The following ELK3 variants were observed in gnomAD, a reference collection of about 807,000 sequenced individuals.
ELK3 encodes ETS domain-containing protein Elk-3.
A neutral mutation model predicts 28.9 loss-of-function variants in ELK3; 10 were observed. The ratio of observed to expected loss-of-function variants is 0.35; its 90% CI spans 0.21 to 0.59. ELK3 has a LOEUF of 0.59. Among genes scored for constraint, ELK3 ranks in the 20% least tolerant of loss-of-function variants. The pLI, the probability that ELK3 is intolerant of heterozygous loss-of-function variation, is 0.82. For missense variants in ELK3, 463 were observed against 517.3 expected (o/e 0.90, Z 1.02); for synonymous variants, 272 against 243.5 (o/e 1.12, Z -1.09).
At chr12:96,207,183 T>C (rs1337063052) in intron 1 of ELK3, among the ~76,000 whole-genome samples, 1 of 152,258 alleles carries the variant, frequency 6.6e-6, no homozygotes, top group Non-Finnish European at 1.5e-5. Flanking sequence ...CTTGTACTTT[T>C]ACCTTAACAC....
At chr12:96,205,857 G>A (rs1054173886) in intron 1 of ELK3, among the ~76,000 whole-genome samples, 4 of 152,170 alleles carry the variant, frequency 2.6e-5, no homozygotes, top group African/African-American at 7.2e-5. Context: ...GCCACTTGGC[G>A]TTTCTGTCCT....
chr12:96,218,985 A>T (rs566139485), intron 1 of ELK3, among the ~76,000 whole-genome samples: 5 of 152,140 alleles, frequency 3.3e-5, no homozygotes, highest in African/African-American at 9.7e-5. Flanking sequence ...GGGAATTTTA[A>T]AAAAAAGATT....
At chr12:96,204,325 G>A (rs1951526527) in intron 1 of ELK3, among the ~76,000 whole-genome samples, 1 of 152,152 alleles carries the variant, frequency 6.6e-6, no homozygotes, top group Non-Finnish European at 1.5e-5. Context: ...TAGAAAACCT[G>A]TGTGTGTAGC....
At chr12:96,246,395 T>C (rs190309181) in intron 2 of ELK3, among the ~76,000 whole-genome samples, 6 of 152,352 alleles carry the variant, frequency 3.9e-5, no homozygotes, top group African/African-American at 1.4e-4. Flanking sequence ...TACTATGTTA[T>C]TACATAGAAT....
At chr12:96,208,474 C>G (rs972061204) in intron 1 of ELK3, among the ~76,000 whole-genome samples, 1 of 152,238 alleles carries the variant, frequency 6.6e-6, no homozygotes, top group Non-Finnish European at 1.5e-5. Flanking sequence ...GCAATGGCGT[C>G]TCTCCTTCTC....
rs538978853 is a variant in ELK3 at position 96,255,736 on chromosome 12, C to T, written c.1003-3995C>T. On this transcript the variant is annotated intron_variant, in intron 3 of 4. Transcript: ENST00000228741. The stretch of plus-strand genomic sequence containing the variant: ...TTATATATTTTAGGGAGGCATGAGA[C>T]GTCATGAAATTGCCAGGCAACTTCA... Among the ~76,000 whole-genome samples, 24 of 152,166 alleles carry T rather than the reference C, an allele frequency of 1.6e-4. No individual in the cohort carries two copies. The East Asian group carries it at 3.3e-3, about 21-fold the overall frequency.
In ELK3 at chr12:96,267,403, T is replaced by C; in HGVS notation, c.*223T>C. On this transcript the variant is annotated 3_prime_UTR_variant, in exon 5 of 5. Coordinates refer to ENST00000228741, the MANE Select transcript of ELK3 (RefSeq NM_005230.4). ...TTTGGCATTAAGTGAATTTTAATGT[T>C]TTTGTTTTTATATCCTTTTAGCTCT... is the stretch of plus-strand genomic sequence containing the variant. The C allele has an allele frequency of 2.3e-6, 1 of 429,296 alleles. No homozygotes were observed. The highest frequency in any genetic ancestry group is 2.9e-5 in the South Asian group (1 of 34,902). 26.6% of individuals were successfully genotyped at this position (429,296 alleles called of 1,614,324 possible). A position where few individuals can be genotyped will look rare whatever the true frequency, so the allele number is the denominator to read the frequency against.
At chr12:96,246,706 G>A (rs937005433) in intron 2 of ELK3, among the ~76,000 whole-genome samples, 1 of 152,064 alleles carries the variant, frequency 6.6e-6, no homozygotes, top group African/African-American at 2.4e-5. Context: ...TACAGACGAG[G>A]AAACTCAAAG....
At chr12:96,210,813 T>C (rs1184291049) in intron 1 of ELK3, among the ~76,000 whole-genome samples, 1 of 152,214 alleles carries the variant, frequency 6.6e-6, no homozygotes, top group African/African-American at 2.4e-5. Context: ...CTGGAGCAGC[T>C]GGAGACACAG....
intron 1 of ELK3, among the ~76,000 whole-genome samples, chr12:96,204,343 T>G (rs376948084): frequency 6.6e-6 from 1 of 152,328 alleles, no homozygotes; most frequent in East Asian, 1.9e-4. Flanking sequence ...AGCTTCCATC[T>G]ATACCTTTTT....
intron 3 of ELK3, among the ~76,000 whole-genome samples, chr12:96,250,358 A>G (rs866970669): frequency 9.9e-5 from 15 of 152,132 alleles, no homozygotes; most frequent in Admixed American, 9.8e-4. Flanking sequence ...TTCAGAGTTG[A>G]GTTCTTGCAG....
At chr12:96,259,639 C>G (rs1951978129) in intron 3 of ELK3, 92 bp from the exon 4 acceptor site, 2 of 1,418,598 alleles carry the variant, frequency 1.4e-6, no homozygotes, top group African/African-American at 1.4e-5. Context: ...CTGGCCCATG[C>G]CTAGCCTACC....
chr12:96,216,836 C>T (rs111795124), intron 1 of ELK3, among the ~76,000 whole-genome samples: 47 of 152,248 alleles, frequency 3.1e-4, no homozygotes, highest in African/African-American at 9.9e-4. Flanking sequence ...AAGTAACTTC[C>T]CCAAAGTCCC....
intron 2 of ELK3, among the ~76,000 whole-genome samples, chr12:96,242,286 A>G (rs1951826960): frequency 6.6e-6 from 1 of 152,188 alleles, no homozygotes; most frequent in Non-Finnish European, 1.5e-5. Flanking sequence ...CCTGGGTACC[A>G]TCTGTTCTCT....
chr12:96,228,442 A>AAAGAAGAC (rs1951720169), intron 2 of ELK3, among the ~76,000 whole-genome samples: 1 of 142,560 alleles, frequency 7.0e-6, no homozygotes, highest in African/African-American at 2.6e-5. Context: ...AAAAAAAAAA[A>AAAGAAGAC]AAGAAGATCA....
Position 96,206,308 on chromosome 12 carries a change from C to T in ELK3, c.-3+11603C>T, listed in dbSNP as rs928312049. Among the ~76,000 whole-genome samples the T allele has an allele frequency of 2.0e-5, 3 of 151,836 alleles. No individual in the cohort carries two copies. In the South Asian group the frequency reaches 6.2e-4, roughly 32 times the overall value. Reference sequence around the variant, plus strand: ...CTTTTTCTTTCTCTTCTTTCTCTTTCCCTTTTATTTATTTATTTTTTTTTT... The same window carrying T: ...CTTTTTCTTTCTCTTCTTTCTCTTTTCCTTTTATTTATTTATTTTTTTTTT... On this transcript the variant is annotated intron_variant, in intron 1 of 4. Coordinates refer to ENST00000228741, the MANE Select transcript of ELK3 (RefSeq NM_005230.4).
At chr12:96,201,142 G>C (rs1951505190) in intron 1 of ELK3, among the ~76,000 whole-genome samples, 1 of 152,108 alleles carries the variant, frequency 6.6e-6, no homozygotes, top group Non-Finnish European at 1.5e-5. Context: ...AGAATGTGTA[G>C]ATTTCCTCAT....
intron 2 of ELK3, among the ~76,000 whole-genome samples, chr12:96,234,086 T>A (rs187479487): frequency 6.6e-6 from 1 of 152,314 alleles, no homozygotes; most frequent in Admixed American, 6.5e-5. Flanking sequence ...CTGGTCACAT[T>A]GTGCCGGGAG....
chr12:96,247,107 C>T lies in ELK3; in HGVS notation c.375C>T (p.Gly125=). The change falls in exon 3 of 5, where the codon GGC becomes GGT. Residue 125 remains glycine, a synonymous_variant. Transcript: ENST00000228741. The surrounding 1 kb of genome is among the most constrained non-coding windows in gnomAD (Gnocchi z 5.5). The part of the protein sequence containing the change: ...SPEGREAHKH[G]LAALRSTSRN... ...AGGGCCGCGAGGCCCACAAACACGG[C>T]CTGGCCGCCCTCAGAAGCACGAGCC... The T allele has an allele frequency of 1.2e-6, 2 of 1,613,452 alleles. No individual in the cohort carries two copies. Among genetic ancestry groups the T allele is most frequent in the Non-Finnish European group, 1.7e-6 (2 of 1,179,792 alleles).
Sources: allele counts gnomAD v4.1 joint callset (sites outside exome capture counted in the v4.1 genomes callset), GRCh38; gene constraint gnomAD v4.1.1; non-coding constraint Gnocchi (gnomAD v3.1); transcripts MANE v1.5; gene names NCBI Gene and HGNC (gene_info 2026-07-23, HGNC 2026-07-21).